Variants in GRK5 observed in about 807,000 individuals in gnomAD.
GRK5 encodes G protein-coupled receptor kinase 5, also known as g protein-coupled receptor kinase GRK5.
A neutral mutation model predicts 78.4 loss-of-function variants in GRK5; 40 were observed. The observed-to-expected ratio is 0.51, with a 90% confidence interval of 0.40 to 0.66. The LOEUF (loss-of-function observed/expected upper bound fraction) is 0.66. GRK5 is among the 30% of genes least tolerant of loss of function. The probability of loss-of-function intolerance (pLI) is 0.00; values close to 1 mark genes in which losing one functional copy is unlikely to be tolerated. For synonymous variants in GRK5, 289 were observed against 296.8 expected, an observed-to-expected ratio of 0.97 and a Z score of 0.27; for missense variants, 598 against 759.9, an observed-to-expected ratio of 0.79 and a Z score of 2.50.
intron 1 of GRK5, among the ~76,000 whole-genome samples, chr10:119,270,054 TCTC>T (rs750518227): frequency 3.9e-5 from 6 of 152,114 alleles, no homozygotes; most frequent in South Asian, 2.1e-4. Context: ...AGTCCCGTGC[TCTC>T]CTCTCCACAT....
intron 3 of GRK5, among the ~76,000 whole-genome samples, chr10:119,391,333 C>T (rs1031700452): frequency 6.6e-6 from 1 of 152,086 alleles, no homozygotes; most frequent in East Asian, 1.9e-4. Context: ...ATGCACTGCT[C>T]GCCATTCTCA....
intron 1 of GRK5, among the ~76,000 whole-genome samples, chr10:119,225,147 C>G (rs1033058772): frequency 6.6e-6 from 1 of 152,284 alleles, no homozygotes; most frequent in South Asian, 2.1e-4. Flanking sequence ...AACTGATTCT[C>G]GCAATCCAAG....
chr10:119,391,601 G>A (rs994461823), intron 3 of GRK5, among the ~76,000 whole-genome samples: 9 of 151,896 alleles, frequency 5.9e-5, no homozygotes, highest in Admixed American at 2.6e-4. Context: ...CACAGGAGTC[G>A]GGTCTGGAGA....
At chr10:119,386,370 G>A (rs917485236) in intron 3 of GRK5, among the ~76,000 whole-genome samples, 2 of 152,198 alleles carry the variant, frequency 1.3e-5, no homozygotes, top group Admixed American at 6.5e-5. Context: ...AGTTGATGAG[G>A]CAGAGCAGAG....
chr10:119,218,106 C>T (rs533863708), intron 1 of GRK5, among the ~76,000 whole-genome samples: 9 of 142,114 alleles, frequency 6.3e-5, no homozygotes, highest in Non-Finnish European at 4.6e-5. Flanking sequence ...GTGTGTGTTG[C>T]GTTAATGTTG....
At position 119,412,289 on chromosome 10, in the gene GRK5, G is replaced by A. The variant is rs558475397; in HGVS notation, c.340-10877G>A. 2.7e-4 allele frequency among the ~76,000 whole-genome samples: 41 copies of A among 152,316 alleles called. No homozygotes were observed. Among genetic ancestry groups the A allele is most frequent in the African/African-American group, 8.2e-4 (34 of 41,578 alleles). On this transcript the variant is annotated intron_variant, in intron 4 of 15. Transcript: ENST00000392870. This position sits in a 1 kb window ranked among gnomAD's most constrained non-coding sequence, Gnocchi z 4.3. ...ACCTCTACCCACAGGCTGCCGGTCC[G>A]GTGTGTCTCTGCCTGGCAGGGCTGT...
At chr10:119,294,883 A>T (rs979080775) in intron 1 of GRK5, among the ~76,000 whole-genome samples, 2 of 152,124 alleles carry the variant, frequency 1.3e-5, no homozygotes, top group Admixed American at 6.5e-5. Context: ...TCTTTATAGA[A>T]AAAGTCTGGG....
At chr10:119,284,176 G>A (rs924181193) in intron 1 of GRK5, among the ~76,000 whole-genome samples, 28 of 152,132 alleles carry the variant, frequency 1.8e-4, no homozygotes, top group Non-Finnish European at 2.2e-4. Context: ...GGAAATAAAC[G>A]TGAGCCTCTT....
intron 8 of GRK5, among the ~76,000 whole-genome samples, chr10:119,434,233 C>T (rs1291814098): frequency 6.6e-6 from 1 of 152,148 alleles, no homozygotes; most frequent in Non-Finnish European, 1.5e-5. Flanking sequence ...GCCCCTGGCC[C>T]CTCCCAAATC....
intron 1 of GRK5, among the ~76,000 whole-genome samples, chr10:119,220,604 G>C (rs1848641549): frequency 6.6e-6 from 1 of 151,972 alleles, no homozygotes; most frequent in South Asian, 2.1e-4. Context: ...GGAGGCCAAG[G>C]TGGGTGGATC....
intron 15 of GRK5, 51 bp from the exon 16 acceptor site, chr10:119,454,918 C>A: frequency 7.9e-7 from 1 of 1,260,618 alleles, no homozygotes. Context: ...CCAGGGCTCC[C>A]AGGACTGACT....
At chr10:119,274,899 G>A (rs1345452027) in intron 1 of GRK5, among the ~76,000 whole-genome samples, 1 of 152,206 alleles carries the variant, frequency 6.6e-6, no homozygotes, top group East Asian at 1.9e-4. Context: ...GAGAGTTGCT[G>A]TGCAAACAAA....
In GRK5 at chr10:119,445,583, A is replaced by C. The variant is rs1382647274; in HGVS notation, c.1266+1831A>C. Among the ~76,000 whole-genome samples the C allele has an allele frequency of 6.6e-6, 1 of 152,108 alleles. No individual in the cohort carries two copies. The highest frequency in any genetic ancestry group is 1.5e-5 in the Non-Finnish European group (1 of 68,014). ...GGAGGACCTGTCCCGTGGGTACAAA[A>C]CCACTGTCCTCTGGAAGCCTCTGGC... is the stretch of plus-strand genomic sequence containing the variant. On this transcript the variant is annotated intron_variant, in intron 12 of 15. Coordinates refer to ENST00000392870, the MANE Select transcript of GRK5 (RefSeq NM_005308.3). This position sits in a 1 kb window ranked among gnomAD's most constrained non-coding sequence, Gnocchi z 4.1.
chr10:119,379,296 C>G lies in GRK5; in HGVS notation c.149-1519C>G, dbSNP rs986290633. Among the ~76,000 whole-genome samples the G allele has an allele frequency of 2.0e-5, 3 of 152,098 alleles. No homozygotes were observed. Among genetic ancestry groups the G allele is most frequent in the African/African-American group, 7.2e-5 (3 of 41,406 alleles). On this transcript the variant is annotated intron_variant, in intron 2 of 15. Transcript: ENST00000392870. The surrounding 1 kb of genome is among the most constrained non-coding windows in gnomAD (Gnocchi z 4.1). ...GAGGGGCAGTGTCAAGCCTGTTGCC[C>G]CAGGTTACACAGGCAGTGAGCGATG...
intron 2 of GRK5, among the ~76,000 whole-genome samples, chr10:119,348,279 T>C (rs1048310072): frequency 2.0e-5 from 3 of 152,354 alleles, no homozygotes; most frequent in South Asian, 2.1e-4. Context: ...TCGGGGGAGC[T>C]CATTTGATTT....
intron 1 of GRK5, among the ~76,000 whole-genome samples, chr10:119,312,981 C>CTGGTGGCTGTGGTGATGGTGATGG (rs1491589414): frequency 0.025 from 629 of 25,262 alleles, 14 homozygotes; most frequent in South Asian, 0.085. Context: ...GATGGTGATG[C>CTGGTGGCTGTGGTGATGGTGATGG]TGATGGTGGT....
chr10:119,453,330 A>T (rs1853333824), intron 15 of GRK5, 54 bp downstream of exon 15: 1 of 1,604,776 alleles, frequency 6.2e-7, no homozygotes, highest in African/African-American at 1.3e-5. Context: ...CCCCTGGCTC[A>T]CTTCCATGGG....
chr10:119,261,591 C>T (rs1402223595), intron 1 of GRK5, among the ~76,000 whole-genome samples: 1 of 152,362 alleles, frequency 6.6e-6, no homozygotes, highest in Admixed American at 6.5e-5. Flanking sequence ...CACGCCACTG[C>T]ACTCCAGCCT....
chr10:119,387,903 C>T (rs1851826973), intron 3 of GRK5, among the ~76,000 whole-genome samples: 1 of 151,946 alleles, frequency 6.6e-6, no homozygotes, highest in Non-Finnish European at 1.5e-5. Context: ...AAGTTCCTGC[C>T]CTTGTGCAGC....
Sources: gnomAD v4.1 joint callset for allele counts (sites outside exome capture counted in the v4.1 genomes callset) on GRCh38, gnomAD v4.1.1 for gene constraint, Gnocchi (gnomAD v3.1) non-coding constraint, MANE v1.5 for transcripts, NCBI Gene and HGNC (gene_info 2026-07-23, HGNC 2026-07-21) for gene names.